The following ATP10D variants were observed in gnomAD, a reference collection of about 807,000 sequenced individuals.
ATP10D encodes phospholipid-transporting ATPase VD.
A neutral mutation model predicts 144.8 loss-of-function variants in ATP10D; 89 were observed. The observed-to-expected ratio is 0.61, with a 90% CI of 0.52 to 0.73. The LOEUF (loss-of-function observed/expected upper bound fraction) is 0.73, where lower values mean the gene tolerates loss of function less well. Among genes scored for constraint, ATP10D ranks in the 30% least tolerant of loss-of-function variants. ATP10D has a pLI of 0.00. For synonymous variants in ATP10D, 571 were observed against 615.1 expected (o/e 0.93, Z 1.06); for missense variants, 1,603 against 1,714.8 (o/e 0.93, Z 1.15).
intron 13 of ATP10D, 99 bp downstream of exon 13, chr4:47,559,128 G>T: frequency 2.4e-6 from 2 of 827,332 alleles, no homozygotes; most frequent in Non-Finnish European, 3.9e-6. Context: ...CCAGATGCTG[G>T]GGAAAGTCCC....
rs1296683648 is a variant in ATP10D at position 47,557,686 on chromosome 4, G to T, written c.1847G>T (p.Gly616Val). 1 of 1,610,326 alleles carries T rather than the reference G, an allele frequency of 6.2e-7. No homozygotes were observed. The highest frequency in any genetic ancestry group is 8.5e-7 in the Non-Finnish European group (1 of 1,176,952). ...TAGATCAGACACCCTTCACTGGGGG[G>T]GTTGCCCATTAAGTCTTTGGAAGAG... is the stretch of plus-strand genomic sequence containing the variant. ...RQKIRHPSLG[G>V]LPIKSLEEIK... is the part of the protein sequence containing the mutation. The change falls in exon 12 of 23, where the codon GGG becomes GTG. Residue 616 changes from glycine (G) to valine (V), a missense_variant. By Grantham distance (109) the Gly-to-Val change is moderately radical. Coordinates refer to ENST00000273859, the MANE Select transcript of ATP10D (RefSeq NM_020453.4).
At chr4:47,500,507 A>AGAGTCAACAGAATTTGCG (rs1486964676) in intron 1 of ATP10D, among the ~76,000 whole-genome samples, 1 of 152,226 alleles carries the variant, frequency 6.6e-6, no homozygotes, top group Non-Finnish European at 1.5e-5. Context: ...GTTTAAGGGA[A>AGAGTCAACAGAATTTGCG]GAGTCAACAG....
At chr4:47,537,347 A>T (rs1376904162) in intron 9 of ATP10D, among the ~76,000 whole-genome samples, 2 of 152,206 alleles carry the variant, frequency 1.3e-5, no homozygotes, top group Non-Finnish European at 2.9e-5. Context: ...CTTGATTAAG[A>T]ATAACTAGTT....
rs377297409 is a variant in ATP10D, at chr4:47,536,026, C to A, written c.1008C>A (p.Gly336=). ...TTCTGGTCATAATGTGCTTAACTGG[C>A]GCAGTAGGTAGGTAAAATTTGATTA... ...VMLLVIMCLT[G]AVGHGIWLSR... Residue 336 remains glycine, a synonymous_variant, in exon 7 of 23, where the codon GGC becomes GGA. Transcript: ENST00000273859. 2.5e-6 allele frequency: 4 copies of A among 1,605,248 alleles called. No homozygotes were observed. The South Asian group carries it at 3.4e-5, about 14-fold the overall frequency.
At position 47,535,607 on chromosome 4, in the gene ATP10D, T is replaced by G. The variant is rs776638541; in HGVS notation, c.875T>G (p.Val292Gly). 1 of 1,610,418 alleles carries G rather than the reference T, an allele frequency of 6.2e-7. No individual in the cohort carries two copies. The highest frequency in any genetic ancestry group is 2.2e-5 in the East Asian group (1 of 44,842). Residue 292 changes from valine (V) to glycine (G), a missense_variant, in exon 6 of 23, where the codon GTT becomes GGT. Physicochemically the swap from Val to Gly is moderately radical, Grantham distance 109. Coordinates refer to ENST00000273859, the MANE Select transcript of ATP10D (RefSeq NM_020453.4). ...ACAGAGGCTGTTGTGGGCATTGTGG[T>G]TTATGCAGGTCGGTTATGTTTCTAA... ...RNTEAVVGIV[V>G]YAGHETKAML...
chr4:47,572,762 G>A (rs981999338), intron 17 of ATP10D, 110 bp from the exon 18 acceptor site: 25 of 1,359,534 alleles, frequency 1.8e-5, no homozygotes, highest in African/African-American at 1.0e-4. Flanking sequence ...GAACAAATGC[G>A]GTCAGAAGAA....
At chr4:47,556,295 A>G (rs1439785717) in intron 11 of ATP10D, among the ~76,000 whole-genome samples, 1 of 152,244 alleles carries the variant, frequency 6.6e-6, no homozygotes, top group Non-Finnish European at 1.5e-5. Flanking sequence ...ACTTTAACAT[A>G]AAAACAATTT....
chr4:47,570,687 C>T (rs1232469909), intron 16 of ATP10D, among the ~76,000 whole-genome samples: 6 of 151,894 alleles, frequency 4.0e-5, no homozygotes, highest in South Asian at 2.1e-4. Flanking sequence ...TCCTGTAATC[C>T]CAGCTGCTAG....
chr4:47,580,372 C>T (rs1189865612), intron 19 of ATP10D, 26 bp from the exon 20 acceptor site: 1 of 1,568,770 alleles, frequency 6.4e-7, no homozygotes. Context: ...ATCTTACTAC[C>T]TCCCCGTTAT....
At chr4:47,555,239 C>T (rs1019955414) in intron 11 of ATP10D, among the ~76,000 whole-genome samples, 10 of 152,166 alleles carry the variant, frequency 6.6e-5, no homozygotes, top group African/African-American at 1.9e-4. Flanking sequence ...CATAGGAACG[C>T]GAACCCTATT....
intron 1 of ATP10D, among the ~76,000 whole-genome samples, chr4:47,508,603 A>G (rs1246419648): frequency 6.6e-6 from 1 of 152,270 alleles, no homozygotes; most frequent in Non-Finnish European, 1.5e-5. Flanking sequence ...TCATTCCTTC[A>G]TTTAAAACGG....
Position 47,586,328 on chromosome 4 carries a change from C to T in ATP10D, c.3754-691C>T, listed in dbSNP as rs78127197. On this transcript the variant is annotated intron_variant, in intron 21 of 22. Transcript: ENST00000273859. ...AAAGTAGCTAGGCTGTGGTATGACA[C>T]GCAAACATTTATTTCTTGCTCATAT... Among the ~76,000 whole-genome samples, 999 of 152,272 alleles carry T rather than the reference C, an allele frequency of 6.6e-3. 14 individuals are homozygous for T. The highest frequency in any genetic ancestry group is 0.022 in the African/African-American group (917 of 41,550).
In ATP10D at chr4:47,560,907, C is replaced by T. The variant is rs145978073; in HGVS notation, c.2542-42C>T. On this transcript the variant is annotated intron_variant, in intron 13 of 22. Transcript: ENST00000273859. ...GTCAGTCCTGGTATTCCCACAAGAT[C>T]ATATGGCTTGCTTCATACCTCTCTT... is the stretch of plus-strand genomic sequence containing the variant. 5.6e-4 allele frequency: 908 copies of T among 1,612,018 alleles called. 2 individuals are homozygous for T. In the African/African-American group the frequency reaches 0.011, roughly 19 times the overall value.
intron 9 of ATP10D, among the ~76,000 whole-genome samples, chr4:47,542,911 T>G (rs1378277496): frequency 3.3e-5 from 5 of 152,252 alleles, no homozygotes; most frequent in Non-Finnish European, 5.9e-5. Flanking sequence ...GGAACTATAC[T>G]AATTATATAG....
chr4:47,546,583 C>G, intron 9 of ATP10D, 41 bp from the exon 10 acceptor site: 1 of 1,555,150 alleles, frequency 6.4e-7, no homozygotes, highest in Non-Finnish European at 8.9e-7. Context: ...TTACAAGTGG[C>G]TCTTCTCAGA....
chr4:47,505,881 T>A (rs1715993637), intron 1 of ATP10D, among the ~76,000 whole-genome samples: 1 of 152,206 alleles, frequency 6.6e-6, no homozygotes, highest in Admixed American at 6.5e-5. Flanking sequence ...TTGTGTATTT[T>A]TCAAACTGTT....
intron 10 of ATP10D, among the ~76,000 whole-genome samples, chr4:47,550,184 T>A (rs748973228): frequency 7.2e-5 from 11 of 152,208 alleles, no homozygotes; most frequent in Non-Finnish European, 1.6e-4. Flanking sequence ...ATGTCCCATC[T>A]AGAGTGTCTT....
chr4:47,522,938 A>T (rs942623774), intron 3 of ATP10D, 74 bp from the exon 4 acceptor site: 107 of 1,246,740 alleles, frequency 8.6e-5, no homozygotes, highest in Middle Eastern at 2.3e-4. Flanking sequence ...ACGCTAAAAA[A>T]TTTTTTAAAA....
intron 14 of ATP10D, among the ~76,000 whole-genome samples, chr4:47,562,787 G>A (rs1004817786): frequency 6.6e-6 from 1 of 152,040 alleles, no homozygotes; most frequent in East Asian, 1.9e-4. Flanking sequence ...CACAGAATCA[G>A]ATTTCTAAGT....
Sources: gnomAD v4.1 joint callset for allele counts (sites outside exome capture counted in the v4.1 genomes callset) on GRCh38, gnomAD v4.1.1 for gene constraint, MANE v1.5 for transcripts, NCBI Gene and HGNC (gene_info 2026-07-23, HGNC 2026-07-21) for gene names.